ATF2: variants seen among roughly 807,000 people sequenced by gnomAD.
ATF2 encodes the protein activating transcription factor 2.
Under a neutral mutation model 60.6 loss-of-function variants are expected in ATF2, and 24 were observed. That is an observed-to-expected ratio of 0.40 (90% CI 0.29 to 0.56). The LOEUF (loss-of-function observed/expected upper bound fraction) is 0.56, where lower values mean the gene tolerates loss of function less well. Among genes scored for constraint, ATF2 ranks in the 20% least tolerant of loss-of-function variants. The pLI, the probability that ATF2 is intolerant of heterozygous loss-of-function variation, is 0.54. For synonymous variants in ATF2, 206 were observed against 215.4 expected (o/e 0.96, Z 0.38); for missense variants, 433 against 607.7 (o/e 0.71, Z 3.02).
intron 10 of ATF2, among the ~76,000 whole-genome samples, chr2:175,104,765 A>G (rs1029318472): frequency 2.0e-5 from 3 of 152,200 alleles, no homozygotes; most frequent in African/African-American, 4.8e-5. Context: ...CTGACATTTT[A>G]ATTTCAAACT....
intron 1 of ATF2, among the ~76,000 whole-genome samples, chr2:175,163,919 A>AAAAAAAAAAAAAAAAG (rs1700182251): frequency 1.2e-5 from 1 of 80,070 alleles, no homozygotes; most frequent in Non-Finnish European, 2.5e-5. Context: ...ACTCCGTCTC[A>AAAAAAAAAAAAAAAAG]AAAAAAAAAA....
At chr2:175,152,969 C>G (rs1252668513) in intron 1 of ATF2, among the ~76,000 whole-genome samples, 2 of 152,076 alleles carry the variant, frequency 1.3e-5, no homozygotes, top group Non-Finnish European at 2.9e-5. Flanking sequence ...TCGGGTTTTC[C>G]TATTTGTATA....
In ATF2 at chr2:175,075,174, CA is replaced by C; in HGVS notation, c.1292-340del. Reference sequence around the variant, plus strand: ...ATCAAACATTAAGTATCACATTTAACAAACTCAGTCTGGTTGGCCTACATGT... The same window carrying C: ...ATCAAACATTAAGTATCACATTTAACAACTCAGTCTGGTTGGCCTACATGT... On this transcript the variant is annotated intron_variant, in intron 13 of 13. Coordinates refer to ENST00000264110, the MANE Select transcript of ATF2 (RefSeq NM_001880.4). 4 of 835,972 alleles carry C rather than the reference CA, an allele frequency of 4.8e-6. No individual in the cohort carries two copies. In the South Asian group the frequency reaches 8.3e-5, roughly 17 times the overall value. The allele number at this position is 835,972 out of a possible 1,614,324, so 51.8% of individuals were successfully genotyped here.
At chr2:175,155,983 G>A (rs1699652690) in intron 1 of ATF2, among the ~76,000 whole-genome samples, 2 of 152,116 alleles carry the variant, frequency 1.3e-5, no homozygotes, top group South Asian at 2.1e-4. Flanking sequence ...GTATTAGGCA[G>A]AATGGCCTTC....
rs1693331712 is a variant in ATF2, at chr2:175,076,725, T to A, written c.1292-1890A>T. Among the ~76,000 whole-genome samples, 17 of 152,134 alleles carry A rather than the reference T, an allele frequency of 1.1e-4. No homozygotes were observed. In the South Asian group the frequency reaches 3.3e-3, roughly 30 times the overall value. On this transcript the variant is annotated intron_variant, in intron 13 of 13. Coordinates refer to ENST00000264110, the MANE Select transcript of ATF2 (RefSeq NM_001880.4). ...GGAGGGAATACTAAAAAGCTCTATT[T>A]GTTTTGTTTCACCACTATTCTTTTT...
At chr2:175,162,744 T>C (rs1700099749) in intron 1 of ATF2, among the ~76,000 whole-genome samples, 2 of 152,180 alleles carry the variant, frequency 1.3e-5, no homozygotes, top group African/African-American at 4.8e-5. Flanking sequence ...GCAATATATA[T>C]GCACAAACTA....
In ATF2 at chr2:175,074,044, A is replaced by G. The variant is rs965049964; in HGVS notation, c.*565T>C. On this transcript the variant is annotated 3_prime_UTR_variant, in exon 14 of 14. Transcript: ENST00000264110. ...CACTGTATGTCTTTACCATGTTTTC[A>G]CTCACTTAAAAAAAAGTGTTCTTTA... The G allele has an allele frequency of 1.3e-5, 2 of 152,232 alleles. No homozygotes were observed. Among genetic ancestry groups the G allele is most frequent in the African/African-American group, 4.8e-5 (2 of 41,454 alleles). The allele number at this position is 152,232 out of a possible 1,614,324, so 9.4% of individuals were successfully genotyped here.
chr2:175,144,580 G>T (rs1475743021), intron 2 of ATF2, among the ~76,000 whole-genome samples: 1 of 152,220 alleles, frequency 6.6e-6, no homozygotes, highest in Admixed American at 6.5e-5. Flanking sequence ...AATATAGAGT[G>T]TCTGCACGGG....
intron 2 of ATF2, among the ~76,000 whole-genome samples, chr2:175,141,951 C>T (rs1698575194): frequency 6.6e-6 from 1 of 151,702 alleles, no homozygotes; most frequent in Non-Finnish European, 1.5e-5. Context: ...TAAAAGAGCA[C>T]TAACAATTGC....
At chr2:175,128,231 T>C (rs925653138) in intron 4 of ATF2, among the ~76,000 whole-genome samples, 11 of 152,354 alleles carry the variant, frequency 7.2e-5, no homozygotes, top group African/African-American at 2.6e-4. Flanking sequence ...CTGGGCGCGG[T>C]GGCTCACGCC....
intron 5 of ATF2, 127 bp from the exon 6 acceptor site, chr2:175,118,496 C>CT: frequency 1.3e-6 from 1 of 774,456 alleles, no homozygotes; most frequent in Non-Finnish European, 2.0e-6. Flanking sequence ...GGAAAGACCT[C>CT]TTCCTTTAAA....
rs371448160 is a variant in ATF2, at chr2:175,097,490, C to A, written c.932G>T (p.Arg311Leu). 2.5e-6 allele frequency: 4 copies of A among 1,613,970 alleles called. No individual in the cohort carries two copies. In the African/African-American group the frequency reaches 5.3e-5, roughly 22 times the overall value. Residue 311 changes from arginine (R) to leucine (L), a missense_variant, in exon 11 of 14, where the codon CGA becomes CTA. Physicochemically the swap from Arg to Leu is moderately radical, Grantham distance 102. Around this residue, in one of 5 missense-constraint regions of ATF2, gnomAD observed 246 missense variants for 309.3 expected, o/e 0.80. Transcript: ENST00000264110. The part of the protein sequence containing the change: ...GLVRTQSEES[R>L]PQSLQQPATS... ...GGCTGGCTGTTGTAATGACTGCGGT[C>A]GAGATTCCTCTGACTGAGTCCTAAC...
At chr2:175,099,301 G>C (rs544322184) in intron 10 of ATF2, among the ~76,000 whole-genome samples, 2 of 151,964 alleles carry the variant, frequency 1.3e-5, no homozygotes, top group African/African-American at 4.8e-5. Context: ...ACAGGGTTTT[G>C]CCATGTTGGC....
intron 1 of ATF2, among the ~76,000 whole-genome samples, chr2:175,156,083 G>A (rs56264121): frequency 0.092 from 14,058 of 152,100 alleles, 692 homozygotes; most frequent in Middle Eastern, 0.17. Context: ...AGACTACACA[G>A]ATCTTTGCTA....
intron 5 of ATF2, among the ~76,000 whole-genome samples, chr2:175,119,808 C>G (rs1696831813): frequency 6.6e-6 from 1 of 151,536 alleles, no homozygotes; most frequent in South Asian, 2.1e-4. Context: ...TCAGAAGGCT[C>G]TTAACTTACA....
At chr2:175,085,296 A>G (rs1694073733) in intron 12 of ATF2, among the ~76,000 whole-genome samples, 1 of 152,172 alleles carries the variant, frequency 6.6e-6, no homozygotes, top group African/African-American at 2.4e-5. Flanking sequence ...GAACTTTGGG[A>G]GACTGAGGCG....
At position 175,109,052 on chromosome 2, in the gene ATF2, T is replaced by G. The variant is rs377268772; in HGVS notation, c.828+2516A>C. Among the ~76,000 whole-genome samples, 90 of 151,924 alleles carry G rather than the reference T, an allele frequency of 5.9e-4. 1 individual carries two copies. In the South Asian group the frequency reaches 0.011, roughly 18 times the overall value. ...AACACTGCGGAAGGCCGCAGGGTCC[T>G]CTGCATAGGAAAACCAGAGACCTTT... is the stretch of plus-strand genomic sequence containing the variant. On this transcript the variant is annotated intron_variant, in intron 10 of 13. Transcript: ENST00000264110.
chr2:175,074,970 T>C (rs1191104794), intron 13 of ATF2, 135 bp from the exon 14 acceptor site: 1 of 1,521,440 alleles, frequency 6.6e-7, no homozygotes, highest in Non-Finnish European at 8.8e-7. Context: ...TTACAGCAAT[T>C]GATATAGGTC....
At chr2:175,147,679 T>C (rs978148937) in intron 2 of ATF2, among the ~76,000 whole-genome samples, 8 of 152,210 alleles carry the variant, frequency 5.3e-5, no homozygotes, top group Admixed American at 5.2e-4. Flanking sequence ...GATGTTACCA[T>C]GGTTTTTATG....
Sources: allele counts gnomAD v4.1 joint callset (sites outside exome capture counted in the v4.1 genomes callset), GRCh38; gene constraint gnomAD v4.1.1; regional missense constraint gnomAD v4.1.1; transcripts MANE v1.5; gene names NCBI Gene and HGNC (gene_info 2026-07-23, HGNC 2026-07-21).